MEIKIN: variants seen among roughly 807,000 people sequenced by gnomAD.
MEIKIN encodes the protein meiosis-specific kinetochore protein.
At chr5:131,839,684 T>C (rs1051254941) in intron 11 of MEIKIN, among the ~76,000 whole-genome samples, 2 of 152,238 alleles carry the variant, frequency 1.3e-5, no homozygotes, top group African/African-American at 4.8e-5. Context: ...CGCTTTTTTC[T>C]GTTTTCCATT....
intron 9 of MEIKIN, among the ~76,000 whole-genome samples, chr5:131,878,201 TG>T (rs61688196): frequency 0.026 from 4,034 of 152,304 alleles, 187 homozygotes; most frequent in African/African-American, 0.092. Context: ...TTCCATAAAT[TG>T]AATAATCTAT....
intron 8 of MEIKIN, among the ~76,000 whole-genome samples, chr5:131,897,139 T>C (rs1049647928): frequency 6.6e-6 from 1 of 152,238 alleles, no homozygotes; most frequent in Admixed American, 6.5e-5. Flanking sequence ...CCTTCACTTA[T>C]GAAGCTTAGT....
At chr5:131,819,286 A>G (rs1561721642) in intron 11 of MEIKIN, among the ~76,000 whole-genome samples, 1 of 151,936 alleles carries the variant, frequency 6.6e-6, no homozygotes, top group Non-Finnish European at 1.5e-5. Context: ...ACAATTTCCC[A>G]TCAGGCAGAT....
rs181345975 is a variant in MEIKIN, at chr5:131,849,179, G to C, written c.975+2085C>G. On this transcript the variant is annotated intron_variant, in intron 11 of 12. Transcript: ENST00000442687. ...GGGAGGTGACTGGATCATGGGAGTG[G>C]TACTTCACAGGGGTGGTCCCCAATT... is the stretch of plus-strand genomic sequence containing the variant. Among the ~76,000 whole-genome samples, 20 of 152,172 alleles carry C rather than the reference G, an allele frequency of 1.3e-4. No homozygotes were observed. In the South Asian group the frequency reaches 3.7e-3, roughly 28 times the overall value.
At chr5:131,843,937 G>A (rs1434915998) in intron 11 of MEIKIN, among the ~76,000 whole-genome samples, 4 of 152,172 alleles carry the variant, frequency 2.6e-5, no homozygotes, top group Non-Finnish European at 4.4e-5. Flanking sequence ...CTGAGACTGG[G>A]TAGTTTATAA....
At chr5:131,939,003 T>A (rs1403738455) in intron 4 of MEIKIN, among the ~76,000 whole-genome samples, 1 of 152,198 alleles carries the variant, frequency 6.6e-6, no homozygotes, top group Non-Finnish European at 1.5e-5. Context: ...AAAAGAGGAA[T>A]CCTCTAATCT....
chr5:131,922,010 C>T (rs1751513244), intron 5 of MEIKIN, 69 bp from the exon 6 acceptor site: 8 of 397,332 alleles, frequency 2.0e-5, no homozygotes, highest in Middle Eastern at 1.3e-3. Flanking sequence ...TTACTCCCTA[C>T]CCCACCTTAG....
intron 11 of MEIKIN, among the ~76,000 whole-genome samples, chr5:131,842,213 C>T (rs1482770607): frequency 1.3e-5 from 2 of 152,146 alleles, no homozygotes; most frequent in East Asian, 3.8e-4. Flanking sequence ...GATCTGCCTG[C>T]CTCGGTCTCC....
At chr5:131,919,435 T>C (rs1357303803) in intron 6 of MEIKIN, among the ~76,000 whole-genome samples, 1 of 152,222 alleles carries the variant, frequency 6.6e-6, no homozygotes, top group East Asian at 1.9e-4. Context: ...GGTTTATTCA[T>C]TGCAGTATTG....
At chr5:131,869,759 T>C (rs919865473) in intron 9 of MEIKIN, among the ~76,000 whole-genome samples, 2 of 152,200 alleles carry the variant, frequency 1.3e-5, no homozygotes, top group African/African-American at 4.8e-5. Flanking sequence ...CTCAGATTTG[T>C]CCATATTCAG....
At chr5:131,876,388 TG>T (rs1750613552) in intron 9 of MEIKIN, among the ~76,000 whole-genome samples, 1 of 151,126 alleles carries the variant, frequency 6.6e-6, no homozygotes, top group South Asian at 2.1e-4. Context: ...AACGGACACA[TG>T]AAAAAATGCT....
chr5:131,891,345 G>A (rs2149634234), intron 8 of MEIKIN, among the ~76,000 whole-genome samples: 1 of 152,198 alleles, frequency 6.6e-6, no homozygotes, highest in South Asian at 2.1e-4. Context: ...TTATTGTGTG[G>A]GAATCTAAGT....
intron 8 of MEIKIN, among the ~76,000 whole-genome samples, chr5:131,880,404 A>ATT (rs57737828): frequency 7.4e-6 from 1 of 134,968 alleles, no homozygotes; most frequent in Non-Finnish European, 1.6e-5. Context: ...TGCCCGGCCT[A>ATT]TTTTTTTTTT....
chr5:131,888,567 T>C (rs1750844605), intron 8 of MEIKIN, among the ~76,000 whole-genome samples: 2 of 152,098 alleles, frequency 1.3e-5, no homozygotes, highest in Admixed American at 6.5e-5. Context: ...GTTTGTTTTT[T>C]TCTTGTAAAT....
chr5:131,886,008 G>A (rs749872195), intron 8 of MEIKIN, among the ~76,000 whole-genome samples: 56 of 152,202 alleles, frequency 3.7e-4, no homozygotes, highest in Non-Finnish European at 6.6e-4. Context: ...GTTGAAAAAT[G>A]CAACTGACAC....
At chr5:131,811,472 A>G (rs1772952658) in intron 12 of MEIKIN, among the ~76,000 whole-genome samples, 3 of 149,434 alleles carry the variant, frequency 2.0e-5, no homozygotes, top group Admixed American at 6.7e-5. Flanking sequence ...ATGCCCAGCT[A>G]ATTTTTGTAT....
At chr5:131,893,087 G>C (rs1467736312) in intron 8 of MEIKIN, among the ~76,000 whole-genome samples, 1 of 152,196 alleles carries the variant, frequency 6.6e-6, no homozygotes, top group Non-Finnish European at 1.5e-5. Flanking sequence ...TTTTATCTCA[G>C]AGGAGTATGC....
At chr5:131,861,486 G>T (rs1750284941) in intron 9 of MEIKIN, among the ~76,000 whole-genome samples, 1 of 152,092 alleles carries the variant, frequency 6.6e-6, no homozygotes, top group Non-Finnish European at 1.5e-5. Flanking sequence ...ACAACTTTTG[G>T]TACTATGTTT....
At chr5:131,915,460 G>C (rs1751401140) in intron 7 of MEIKIN, among the ~76,000 whole-genome samples, 1 of 152,128 alleles carries the variant, frequency 6.6e-6, no homozygotes, top group African/African-American at 2.4e-5. Flanking sequence ...ACTGCTACAA[G>C]GCTACGTAAG....
Sources: allele counts gnomAD v4.1 joint callset (sites outside exome capture counted in the v4.1 genomes callset), GRCh38; gene constraint gnomAD v4.1.1; transcripts MANE v1.5; gene names NCBI Gene and HGNC (gene_info 2026-07-23, HGNC 2026-07-21).